RIMS2: variants seen among roughly 807,000 people sequenced by gnomAD.
The protein encoded by RIMS2 is regulating synaptic membrane exocytosis protein 2.
In RIMS2, 59 loss-of-function variants were observed where a neutral mutation model predicts 174.4. The ratio of observed to expected loss-of-function variants is 0.34; its 90% CI spans 0.27 to 0.42. RIMS2 has a LOEUF of 0.42. Ranked by LOEUF, RIMS2 falls within the 10% of genes least tolerant of loss-of-function variation. RIMS2 has a pLI of 1.00. For synonymous variants in RIMS2, 606 were observed against 572.5 expected (o/e 1.06, Z -0.84); for missense variants, 1,620 against 1,666.3 (o/e 0.97, Z 0.48).
chr8:103,526,191 GGT>G (rs1294306364), intron 1 of RIMS2, among the ~76,000 whole-genome samples: 1 of 152,120 alleles, frequency 6.6e-6, no homozygotes, highest in African/African-American at 2.4e-5. Context: ...GGACCTGAAG[GGT>G]GATTCCTTAG....
intron 3 of RIMS2, among the ~76,000 whole-genome samples, chr8:103,854,127 G>A (rs1313588776): frequency 3.3e-5 from 5 of 151,846 alleles, no homozygotes; most frequent in South Asian, 2.1e-4. Context: ...TAGATATTTC[G>A]TTTTCTTTGT....
chr8:103,854,802 C>T (rs185450979), intron 3 of RIMS2, among the ~76,000 whole-genome samples: 1 of 152,040 alleles, frequency 6.6e-6, no homozygotes, highest in East Asian at 1.9e-4. Context: ...CTATGTTTAT[C>T]AGGGATATTG....
chr8:103,816,000 G>A (rs113958693), intron 3 of RIMS2, among the ~76,000 whole-genome samples: 8 of 152,112 alleles, frequency 5.3e-5, no homozygotes, highest in African/African-American at 1.9e-4. Flanking sequence ...AAACCAGGCT[G>A]CCCGATGCCA....
intron 1 of RIMS2, among the ~76,000 whole-genome samples, chr8:103,568,118 A>G (rs1224080425): frequency 6.6e-6 from 1 of 151,914 alleles, no homozygotes; most frequent in East Asian, 1.9e-4. Flanking sequence ...ACAAATAAAT[A>G]AATAAAAGTA....
At chr8:104,226,485 T>G (rs749359372) in intron 19 of RIMS2, among the ~76,000 whole-genome samples, 11 of 152,188 alleles carry the variant, frequency 7.2e-5, no homozygotes, top group African/African-American at 2.2e-4. Flanking sequence ...AAATATTTAT[T>G]GGGGGTATTT....
intron 19 of RIMS2, among the ~76,000 whole-genome samples, chr8:104,070,168 G>A (rs541705582): frequency 7.9e-5 from 12 of 152,260 alleles, no homozygotes; most frequent in Admixed American, 3.3e-4. Context: ...CCAGTTTCTA[G>A]CTTCTTCAAT....
At chr8:103,560,141 A>C (rs1243705538) in intron 1 of RIMS2, among the ~76,000 whole-genome samples, 2 of 152,216 alleles carry the variant, frequency 1.3e-5, no homozygotes, top group Non-Finnish European at 1.5e-5. Context: ...AAGTCAGTGC[A>C]TCTTCTCACA....
chr8:103,652,832 G>C, intron 1 of RIMS2, 122 bp downstream of exon 3: 3 of 457,912 alleles, frequency 6.6e-6, no homozygotes, highest in Non-Finnish European at 1.2e-5. Context: ...GTTCGGTTAG[G>C]GTTTGATACT....
intron 3 of RIMS2, among the ~76,000 whole-genome samples, chr8:103,812,438 G>A (rs543971397): frequency 7.6e-5 from 11 of 144,348 alleles, no homozygotes; most frequent in South Asian, 2.3e-4. Flanking sequence ...TGCAATCCCC[G>A]CACACTGTGC....
chr8:103,708,698 G>A (rs376449095), intron 2 of RIMS2, among the ~76,000 whole-genome samples: 137 of 152,054 alleles, frequency 9.0e-4, no homozygotes, highest in African/African-American at 3.2e-3. Context: ...CTCATCTTTG[G>A]TTTTCTGTGC....
Position 103,885,812 on chromosome 8 carries a change from G to T in RIMS2, c.1213G>T (p.Glu405Ter), listed in dbSNP as rs200980523. The stretch of plus-strand genomic sequence containing the variant: ...TATATCAGAACGTAGAGCTGCCATG[G>T]AAAATCAGCGATCTTATTCAATGGA... The change falls in exon 4 of 24, where the codon GAA becomes TAA. Residue 405 changes from glutamate (E) to a stop codon, truncating the protein, a stop_gained. Transcript: ENST00000504942. LOFTEE classifies it high-confidence loss of function. 1.9e-5 allele frequency: 31 copies of T among 1,612,944 alleles called. No individual in the cohort carries two copies. The African/African-American group carries it at 4.0e-4, about 21-fold the overall frequency.
At chr8:104,018,875 A>G (rs1220285897) in intron 19 of RIMS2, among the ~76,000 whole-genome samples, 1 of 152,198 alleles carries the variant, frequency 6.6e-6, no homozygotes, top group East Asian at 1.9e-4. Context: ...ATTGTCAATC[A>G]TAATTTCTCC....
chr8:104,113,340 G>T (rs188956592), intron 19 of RIMS2, among the ~76,000 whole-genome samples: 2 of 152,164 alleles, frequency 1.3e-5, no homozygotes, highest in African/African-American at 4.8e-5. Context: ...TGCTTGAACA[G>T]TTGAGAGCCC....
chr8:103,939,853 CT>C (rs2082130935), intron 13 of RIMS2, among the ~76,000 whole-genome samples: 1 of 152,194 alleles, frequency 6.6e-6, no homozygotes, highest in Non-Finnish European at 1.5e-5. Context: ...CCACCAGTCT[CT>C]TTGCTAAAAC....
chr8:104,004,446 C>T (rs2095499762), intron 17 of RIMS2, among the ~76,000 whole-genome samples: 3 of 151,872 alleles, frequency 2.0e-5, no homozygotes, highest in African/African-American at 7.3e-5. Context: ...TGAAAAATGC[C>T]TGTTGGATAT....
chr8:103,620,548 T>C (rs564841015), intron 1 of RIMS2, among the ~76,000 whole-genome samples: 1 of 152,266 alleles, frequency 6.6e-6, no homozygotes, highest in South Asian at 2.1e-4. Context: ...AAGCAACCGA[T>C]TAATGTAAAC....
chr8:103,594,531 CTA>C (rs1354733622), intron 1 of RIMS2, among the ~76,000 whole-genome samples: 1 of 151,596 alleles, frequency 6.6e-6, no homozygotes, highest in Non-Finnish European at 1.5e-5. Context: ...GAAGCTAACC[CTA>C]TATATTCCTC....
rs2075480708 is a variant in RIMS2 at position 103,910,580 on chromosome 8, TG to T, written c.1692+380del. 3 of 1,087,666 alleles carry T rather than the reference TG, an allele frequency of 2.8e-6. No homozygotes were observed. The East Asian group carries it at 7.2e-5, about 26-fold the overall frequency. The allele number at this position is 1,087,666 out of a possible 1,614,324, so 67.4% of individuals were successfully genotyped here. ...TTAACCTGCTCATTTGGTCTTCGTT[TG>T]CTCTCTGTCACTCATTAAAACAGAA... On this transcript the variant is annotated intron_variant, in intron 5 of 23. Transcript: ENST00000504942.
At chr8:103,634,956 G>T (rs920194672) in intron 1 of RIMS2, among the ~76,000 whole-genome samples, 2 of 151,982 alleles carry the variant, frequency 1.3e-5, no homozygotes, top group African/African-American at 4.8e-5. Flanking sequence ...ATACCATTGG[G>T]TCTTTTTTAT....
Sources: allele counts gnomAD v4.1 joint callset (sites outside exome capture counted in the v4.1 genomes callset), GRCh38; gene constraint gnomAD v4.1.1; transcripts MANE v1.5; gene names NCBI Gene and HGNC (gene_info 2026-07-23, HGNC 2026-07-21).